Variants in PDE4D observed in about 807,000 individuals in gnomAD.
The protein encoded by PDE4D is phosphodiesterase 4D.
In PDE4D, 24 loss-of-function variants were observed where a neutral mutation model predicts 87.4. The observed-to-expected ratio is 0.27, with a 90% CI of 0.20 to 0.39. The LOEUF is 0.39. Ranked by LOEUF, PDE4D falls within the 10% of genes least tolerant of loss-of-function variation. PDE4D has a pLI of 1.00. For missense variants in PDE4D, 714 were observed against 1,041.0 expected, an observed-to-expected ratio of 0.69 and a Z score of 4.32; for synonymous variants, 384 against 383.2, an observed-to-expected ratio of 1.00 and a Z score of -0.02.
At chr5:59,903,914 G>A (rs1752547932) in intron 3 of PDE4D, among the ~76,000 whole-genome samples, 1 of 152,112 alleles carries the variant, frequency 6.6e-6, no homozygotes, top group Non-Finnish European at 1.5e-5. Context: ...ATGGGTATAA[G>A]CACCAGACAG....
Position 59,185,247 on chromosome 5 carries a change from G to T in PDE4D, c.700C>A (p.Arg234=), listed in dbSNP as rs776726294. ...TPFAQVLASL[R]TVRNNFAALT... Reference sequence around the variant, plus strand: ...GCAGCAAAGTTGTTTCGTACAGTTCGCAGACTGGCCAAGACCTACAACAAG... The same window carrying T: ...GCAGCAAAGTTGTTTCGTACAGTTCTCAGACTGGCCAAGACCTACAACAAG... The change falls in exon 4 of 15, where the codon CGA becomes AGA. Residue 234 remains arginine, a synonymous_variant. Coordinates refer to ENST00000340635, the MANE Select transcript of PDE4D (RefSeq NM_001104631.2). 2 of 1,611,448 alleles carry T rather than the reference G, an allele frequency of 1.2e-6. No individual in the cohort carries two copies. Among genetic ancestry groups the T allele is most frequent in the Admixed American group, 1.7e-5 (1 of 59,780 alleles).
chr5:60,120,608 G>T (rs763503325), intron 2 of PDE4D, among the ~76,000 whole-genome samples: 14 of 152,114 alleles, frequency 9.2e-5, no homozygotes, highest in Non-Finnish European at 1.9e-4. Flanking sequence ...GGGCAGCTGG[G>T]TTTTGAGGTT....
intron 1 of PDE4D, among the ~76,000 whole-genome samples, chr5:59,774,689 C>CTTTTTTTT (rs71604800): frequency 2.3e-5 from 3 of 132,406 alleles, no homozygotes; most frequent in African/African-American, 2.8e-5. Context: ...TTTCTTTTTT[C>CTTTTTTTT]TTTTTTTTTT....
At position 59,024,302 on chromosome 5, in the gene PDE4D, G is replaced by T. The variant is rs1372287975; in HGVS notation, c.921+14557C>A. Among the ~76,000 whole-genome samples, 6 of 148,336 alleles carry T rather than the reference G, an allele frequency of 4.0e-5. No homozygotes were observed. In the East Asian group the frequency reaches 1.2e-3, roughly 29 times the overall value. On this transcript the variant is annotated intron_variant, in intron 6 of 14. Coordinates refer to ENST00000340635, the MANE Select transcript of PDE4D (RefSeq NM_001104631.2). ...TGCAACCTCTGCCTCCTGGGTTCAA[G>T]TGATTCTCCTGCTCAGCCTCCCGAG...
Position 59,306,417 on chromosome 5 carries a change from T to C in PDE4D, c.456-90449A>G, listed in dbSNP as rs140576867. ...GTCAGTATCGAAATGTGAGGTACCA[T>C]TGCATTCATCATGCTCTTTGTTGCC... On this transcript the variant is annotated intron_variant, in intron 1 of 14. Coordinates refer to ENST00000340635, the MANE Select transcript of PDE4D (RefSeq NM_001104631.2). Among the ~76,000 whole-genome samples, 746 of 152,334 alleles carry C rather than the reference T, an allele frequency of 4.9e-3. 7 individuals are homozygous for C. Among genetic ancestry groups the C allele is most frequent in the African/African-American group, 0.017 (695 of 41,578 alleles).
intron 1 of PDE4D, among the ~76,000 whole-genome samples, chr5:59,711,173 G>C (rs1474796062): frequency 6.6e-6 from 1 of 152,020 alleles, no homozygotes; most frequent in Non-Finnish European, 1.5e-5. Context: ...TTTTCAATCT[G>C]CCTATGTCTT....
intron 5 of PDE4D, chr5:59,180,283 A>G: frequency 2.0e-6 from 1 of 512,688 alleles, no homozygotes; most frequent in Non-Finnish European, 3.7e-6. Context: ...TGGAACCAGA[A>G]TGGGAAGTGA....
At chr5:59,836,812 A>G (rs764551278) in intron 1 of PDE4D, among the ~76,000 whole-genome samples, 8 of 151,990 alleles carry the variant, frequency 5.3e-5, no homozygotes, top group Non-Finnish European at 8.8e-5. Flanking sequence ...ATGTTTTGCT[A>G]AGTGTTTTGT....
intron 1 of PDE4D, among the ~76,000 whole-genome samples, chr5:60,395,111 G>A (rs1762799859): frequency 6.6e-6 from 1 of 152,090 alleles, no homozygotes; most frequent in African/African-American, 2.4e-5. Flanking sequence ...CAGGTGCGGT[G>A]GGATTCTCTT....
chr5:59,907,526 C>A (rs1752975013), intron 3 of PDE4D, among the ~76,000 whole-genome samples: 1 of 152,072 alleles, frequency 6.6e-6, no homozygotes, highest in Non-Finnish European at 1.5e-5. Context: ...TAACCTGTTA[C>A]AACAAACCTC....
chr5:60,428,141 C>T (rs570487170), intron 1 of PDE4D, among the ~76,000 whole-genome samples: 1 of 152,206 alleles, frequency 6.6e-6, no homozygotes, highest in South Asian at 2.1e-4. Context: ...AAGTTTACTA[C>T]ATTTGTCAAA....
At chr5:59,750,734 G>A (rs1760319363) in intron 1 of PDE4D, among the ~76,000 whole-genome samples, 1 of 151,996 alleles carries the variant, frequency 6.6e-6, no homozygotes. Context: ...CCAGAAGTTT[G>A]AGACCAGCCT....
intron 2 of PDE4D, among the ~76,000 whole-genome samples, chr5:60,100,462 G>A (rs1342376823): frequency 2.6e-5 from 4 of 151,992 alleles, no homozygotes; most frequent in African/African-American, 7.2e-5. Flanking sequence ...AGGAGGGGAA[G>A]AGAGGAAGGG....
intron 3 of PDE4D, among the ~76,000 whole-genome samples, chr5:59,954,823 C>T (rs1486910695): frequency 6.6e-6 from 1 of 152,128 alleles, no homozygotes; most frequent in Non-Finnish European, 1.5e-5. Flanking sequence ...TTGAGTGAGG[C>T]ACAGGACAGT....
chr5:59,827,796 T>C (rs1770498153), intron 1 of PDE4D, among the ~76,000 whole-genome samples: 1 of 152,110 alleles, frequency 6.6e-6, no homozygotes, highest in Non-Finnish European at 1.5e-5. Context: ...ATGCCCTCCA[T>C]TGTTTTCTTT....
At chr5:59,660,735 G>A (rs1387952070) in intron 1 of PDE4D, among the ~76,000 whole-genome samples, 1 of 151,992 alleles carries the variant, frequency 6.6e-6, no homozygotes, top group Non-Finnish European at 1.5e-5. Flanking sequence ...TTTAATGAGG[G>A]ACAATCAACA....
At chr5:59,314,748 C>T (rs953432004) in intron 1 of PDE4D, 4 of 152,200 alleles carry the variant, frequency 2.6e-5, no homozygotes, top group African/African-American at 9.7e-5. Context: ...AATCTGCTCT[C>T]CCATTGCTCA....
At chr5:59,093,557 C>G (rs191722301) in intron 5 of PDE4D, among the ~76,000 whole-genome samples, 2 of 152,328 alleles carry the variant, frequency 1.3e-5, no homozygotes, top group East Asian at 3.9e-4. Context: ...TAATCATGAC[C>G]TTGGGGAAAC....
chr5:59,373,350 C>T (rs1315001424), intron 1 of PDE4D, among the ~76,000 whole-genome samples: 2 of 152,100 alleles, frequency 1.3e-5, no homozygotes, highest in Admixed American at 6.5e-5. Context: ...CCTGATAGAA[C>T]TGAAAACATT....
Sources: gnomAD v4.1 joint callset for allele counts (sites outside exome capture counted in the v4.1 genomes callset) on GRCh38, gnomAD v4.1.1 for gene constraint, MANE v1.5 for transcripts, NCBI Gene and HGNC (gene_info 2026-07-23, HGNC 2026-07-21) for gene names.